The following DNASE1 variants were observed in gnomAD, a reference collection of about 807,000 sequenced individuals.
DNASE1 encodes deoxyribonuclease-1.
A neutral mutation model predicts 33.9 loss-of-function variants in DNASE1; 40 were observed. The observed-to-expected ratio is 1.18, with a 90% CI of 0.92 to 1.54. The LOEUF is 1.54. Among genes scored for constraint, DNASE1 ranks in the 40% most tolerant of loss-of-function variants. DNASE1 has a pLI of 0.00. For synonymous variants in DNASE1, 216 were observed against 160.0 expected, an observed-to-expected ratio of 1.35 and a Z score of -2.64; for missense variants, 518 against 372.6, an observed-to-expected ratio of 1.39 and a Z score of -3.21.
rs192115383 is a variant in DNASE1, at chr16:3,628,618, C to T, written c.-1358-12097C>T. Among the ~76,000 whole-genome samples the T allele has an allele frequency of 4.2e-3, 635 of 150,908 alleles. 3 individuals are homozygous for T. Among genetic ancestry groups the T allele is most frequent in the African/African-American group, 0.014 (566 of 41,188 alleles). On this transcript the variant is annotated intron_variant and NMD_transcript_variant, in intron 1 of 11. Transcript: ENST00000570769. ...TGTCGCCCAGGCTGGAGTGCAGTGG[C>T]GCAATCTCGGCTCATTGCAAACCTC...
chr16:3,636,959 A>C (rs1444266205), intron 1 of DNASE1, among the ~76,000 whole-genome samples: 1 of 151,538 alleles, frequency 6.6e-6, no homozygotes, highest in African/African-American at 2.4e-5. Context: ...GCCTGTCTCT[A>C]CTAAAAATAC....
intron 2 of DNASE1, 43 bp downstream of exon 2, chr16:3,655,563 GAGTCT>G: frequency 6.2e-7 from 1 of 1,613,176 alleles, no homozygotes; most frequent in Non-Finnish European, 8.5e-7. Context: ...AGGAGCTCTG[GAGTCT>G]AGGGCTGGTG....
rs571444570 is a variant in DNASE1, at chr16:3,655,909, G to T, written c.208G>T (p.Val70Leu). 6 of 1,613,978 alleles carry T rather than the reference G, an allele frequency of 3.7e-6. No homozygotes were observed. In the South Asian group the frequency reaches 4.4e-5, roughly 12 times the overall value. The stretch of plus-strand genomic sequence containing the variant: ...GGTCAGAGACAGCCACCTGACTGCC[G>T]TGGGGAAGCTGCTGGACAACCTCAA... The part of the protein sequence containing the change: ...QEVRDSHLTA[V>L]GKLLDNLNQD... Residue 70 changes from valine to leucine, a missense_variant, in exon 3 of 9, where the codon GTG becomes TTG. Coordinates refer to ENST00000246949, the MANE Select transcript of DNASE1 (RefSeq NM_005223.4).
chr16:3,633,400 A>T (rs539584709), intron 1 of DNASE1, among the ~76,000 whole-genome samples: 1 of 152,142 alleles, frequency 6.6e-6, no homozygotes, highest in Non-Finnish European at 1.5e-5. Context: ...TGAGGTCAGG[A>T]GTTTGAGACC....
At chr16:3,624,063 T>A (rs2041418432) in intron 1 of DNASE1, among the ~76,000 whole-genome samples, 1 of 152,030 alleles carries the variant, frequency 6.6e-6, no homozygotes, top group African/African-American at 2.4e-5. Context: ...GGCAGGCGGA[T>A]CACTTGAGTG....
chr16:3,620,865 A>G (rs773770088), intron 1 of DNASE1, among the ~76,000 whole-genome samples: 13 of 152,010 alleles, frequency 8.6e-5, no homozygotes, highest in African/African-American at 1.4e-4. Flanking sequence ...CAGTGGCGCA[A>G]TGCCGGCTCA....
exon 10 of DNASE1, chr16:3,664,580 C>T (rs951876319): frequency 7.3e-6 from 8 of 1,100,666 alleles, no homozygotes; most frequent in Admixed American, 2.8e-5. Flanking sequence ...GGCCCTGACC[C>T]GAGGGACGGT....
chr16:3,640,628 C>T (rs2042003188), upstream of DNASE1: 2 of 397,640 alleles, frequency 5.0e-6, no homozygotes, highest in Non-Finnish European at 4.4e-6. Context: ...AACAAAACAG[C>T]CTGTCAGGAG....
chr16:3,619,894 G>A (rs574469398), intron 1 of DNASE1, among the ~76,000 whole-genome samples: 85 of 151,090 alleles, frequency 5.6e-4, no homozygotes, highest in East Asian at 2.3e-3. Flanking sequence ...TAAATATAAC[G>A]AAAATTCATA....
intron 1 of DNASE1, among the ~76,000 whole-genome samples, chr16:3,612,672 G>C (rs1222643049): frequency 6.6e-6 from 1 of 150,870 alleles, no homozygotes; most frequent in East Asian, 2.0e-4. Context: ...GCCTCCCAAA[G>C]CGCTGAGATT....
intron 1 of DNASE1, among the ~76,000 whole-genome samples, chr16:3,618,280 G>C (rs992294193): frequency 6.6e-6 from 1 of 151,832 alleles, no homozygotes; most frequent in East Asian, 1.9e-4. Flanking sequence ...TATTGGTGAG[G>C]ATGTAAGGAA....
At chr16:3,619,636 C>T (rs777707282) in intron 1 of DNASE1, among the ~76,000 whole-genome samples, 40 of 151,954 alleles carry the variant, frequency 2.6e-4, no homozygotes, top group Non-Finnish European at 1.3e-4. Context: ...GCTGGGATTA[C>T]AGGCATGAGC....
At chr16:3,661,930 C>A, downstream of DNASE1, 1 of 1,526,536 alleles carries the variant, frequency 6.6e-7, no homozygotes. Context: ...AAAAGAACAC[C>A]ACACACAGGA....
chr16:3,662,699 T>A (rs2043155483), downstream of DNASE1: 1 of 702,758 alleles, frequency 1.4e-6, no homozygotes, highest in East Asian at 2.7e-5. Flanking sequence ...ACGGCCTTCC[T>A]GCCTCAGCGG....
chr16:3,615,975 TGAACAAGGAAA>T (rs1374551977), intron 1 of DNASE1, among the ~76,000 whole-genome samples: 4 of 152,206 alleles, frequency 2.6e-5, no homozygotes, highest in African/African-American at 9.6e-5. Context: ...GACAGCAGAT[TGAACAAGGAAA>T]GAATTGTCTC....
At chr16:3,624,185 C>G (rs1384298926) in intron 1 of DNASE1, among the ~76,000 whole-genome samples, 1 of 151,290 alleles carries the variant, frequency 6.6e-6, no homozygotes, top group Non-Finnish European at 1.5e-5. Flanking sequence ...AGGAGAATCG[C>G]TTGAACCCGG....
At chr16:3,659,579 A>AATATT (rs2042945243), downstream of DNASE1, 1 of 152,262 alleles carries the variant, frequency 6.6e-6, no homozygotes, top group African/African-American at 2.4e-5. Flanking sequence ...CCTTAACATG[A>AATATT]ATATTATAAT....
chr16:3,642,117 C>G (rs1289774883), upstream of DNASE1, among the ~76,000 whole-genome samples: 1 of 152,204 alleles, frequency 6.6e-6, no homozygotes, highest in Non-Finnish European at 1.5e-5. Flanking sequence ...GGGAGCCCCT[C>G]CTGGCCGTGG....
chr16:3,654,103 C>G (rs1173312049), upstream of DNASE1: 4 of 307,882 alleles, frequency 1.3e-5, no homozygotes, highest in Non-Finnish European at 2.4e-5. Context: ...AGTGTGAGAC[C>G]CTGTCTCAAA....
Sources: allele counts gnomAD v4.1 joint callset (sites outside exome capture counted in the v4.1 genomes callset), GRCh38; gene constraint gnomAD v4.1.1; transcripts MANE v1.5; gene names NCBI Gene and HGNC (gene_info 2026-07-23, HGNC 2026-07-21).